The following PPP6R2 variants were observed in gnomAD, a reference collection of about 807,000 sequenced individuals.
The protein encoded by PPP6R2 is serine/threonine-protein phosphatase 6 regulatory subunit 2.
PPP6R2 carries 62 observed loss-of-function variants against 100.2 expected under a neutral mutation model. The ratio of observed to expected loss-of-function variants is 0.62; its 90% confidence interval spans 0.50 to 0.76. PPP6R2 has a LOEUF of 0.76. Ranked by LOEUF, PPP6R2 falls within the 30% of genes least tolerant of loss-of-function variation. The pLI is 0.00. For synonymous variants in PPP6R2, 525 were observed against 514.7 expected, an observed-to-expected ratio of 1.02 and a Z score of -0.27; for missense variants, 1,142 against 1,276.3, an observed-to-expected ratio of 0.89 and a Z score of 1.60.
At chr22:50,334,639 A>G in the PPP6R2 span, among the ~76,000 whole-genome samples, 1 of 152,234 alleles carries the variant, frequency 6.6e-6, no homozygotes, top group African/African-American at 2.4e-5. Context: ...TACAGATTTC[A>G]GTATTAGCTT....
At chr22:50,424,270 C>T (rs1436092991) in intron 10 of PPP6R2, among the ~76,000 whole-genome samples, 2 of 152,104 alleles carry the variant, frequency 1.3e-5, no homozygotes, top group Admixed American at 1.3e-4. Context: ...GCTGGAATCT[C>T]CCTGCAATCT....
chr22:50,350,156 A>G (rs1057504377), intron 1 of PPP6R2, among the ~76,000 whole-genome samples: 1 of 152,144 alleles, frequency 6.6e-6, no homozygotes, highest in South Asian at 2.1e-4. Context: ...TTGCTCATTC[A>G]TTAAAAGCAG....
chr22:50,399,321 G>A (rs1410253396), intron 3 of PPP6R2, among the ~76,000 whole-genome samples: 1 of 152,244 alleles, frequency 6.6e-6, no homozygotes, highest in African/African-American at 2.4e-5. Context: ...GGTCTCTGTT[G>A]CAACGGCTCA....
At chr22:50,348,004 C>T (rs949511647) in intron 1 of PPP6R2, among the ~76,000 whole-genome samples, 1 of 152,150 alleles carries the variant, frequency 6.6e-6, no homozygotes, top group Non-Finnish European at 1.5e-5. Context: ...AGGCAGCTAG[C>T]TTTGAGACAA....
At chr22:50,366,310 T>C (rs1459427141) in intron 1 of PPP6R2, among the ~76,000 whole-genome samples, 3 of 150,110 alleles carry the variant, frequency 2.0e-5, no homozygotes, top group African/African-American at 7.4e-5. Flanking sequence ...TTCCCTCTCA[T>C]CTTTTTTTTT....
At chr22:50,424,606 AGACCTACT>A in intron 10 of PPP6R2, among the ~76,000 whole-genome samples, 1 of 147,868 alleles carries the variant, frequency 6.8e-6, no homozygotes, top group East Asian at 2.1e-4. Context: ...ATTACAAAAG[AGACCTACT>A]TTCCTTTTCC....
chr22:50,429,243 C>T (rs987141684), intron 10 of PPP6R2, among the ~76,000 whole-genome samples: 5 of 152,184 alleles, frequency 3.3e-5, no homozygotes, highest in Non-Finnish European at 7.3e-5. Context: ...GTTGGCCAGG[C>T]TGGTCTTGAA....
Position 50,439,843 on chromosome 22 carries a change from C to A in PPP6R2, c.2271C>A (p.Phe757Leu). Residue 757 changes from phenylalanine (F) to leucine (L), a missense_variant, in exon 20 of 24, where the codon TTC becomes TTA. By Grantham distance (22) the Phe-to-Leu change is conservative. Coordinates refer to ENST00000612753, the MANE Select transcript of PPP6R2 (RefSeq NM_001242898.2). ...AAGGCTGGGCCAAGTTCACTGACTT[C>A]CAACCTTTCTGCTGGTAACAAATGC... ...EEKGWAKFTDFQPFCCSESGP... is the reference protein window; with the variant it reads ...EEKGWAKFTDLQPFCCSESGP... 1 of 1,613,168 alleles carries A rather than the reference C, an allele frequency of 6.2e-7. No homozygotes were observed. Among genetic ancestry groups the A allele is most frequent in the South Asian group, 1.1e-5 (1 of 91,002 alleles).
chr22:50,394,969 C>A (rs531187331), intron 3 of PPP6R2, among the ~76,000 whole-genome samples: 5 of 147,078 alleles, frequency 3.4e-5, no homozygotes, highest in Admixed American at 6.8e-5. Flanking sequence ...TTTTTTCATT[C>A]TAAGTAAAGT....
chr22:50,438,392 C>G, intron 18 of PPP6R2, 94 bp downstream of exon 18: 1 of 1,537,820 alleles, frequency 6.5e-7, no homozygotes, highest in East Asian at 2.3e-5. Context: ...AGCTGGCTTG[C>G]AGAGCAGCCA....
chr22:50,419,741 C>T (rs894014177), intron 8 of PPP6R2, among the ~76,000 whole-genome samples: 2 of 152,210 alleles, frequency 1.3e-5, no homozygotes, highest in Non-Finnish European at 2.9e-5. Flanking sequence ...GTGTGGTTGG[C>T]AGGTTTTCCC....
chr22:50,366,162 A>C (rs2048716335), intron 1 of PPP6R2, among the ~76,000 whole-genome samples: 1 of 152,184 alleles, frequency 6.6e-6, no homozygotes, highest in Admixed American at 6.6e-5. Flanking sequence ...GTGGAACCCT[A>C]GTAATTTTTA....
rs146381026 is a variant in PPP6R2, at chr22:50,369,739, T to C, written c.-147-2281T>C. Among the ~76,000 whole-genome samples, 522 of 152,064 alleles carry C rather than the reference T, an allele frequency of 3.4e-3. 11 individuals are homozygous for C. In the East Asian group the frequency reaches 0.062, roughly 18 times the overall value. The stretch of plus-strand genomic sequence containing the variant: ...CCAGGCTGGTCTTGAACTCCTGACC[T>C]CAAGTGATCACCCACCTCGGCCTCC... On this transcript the variant is annotated intron_variant, in intron 1 of 23. Transcript: ENST00000612753.
intron 1 of PPP6R2, among the ~76,000 whole-genome samples, chr22:50,364,784 G>A (rs1258139415): frequency 3.9e-5 from 6 of 152,116 alleles, no homozygotes; most frequent in South Asian, 2.1e-4. Flanking sequence ...GTTTTGGTAC[G>A]GTTATGGAAT....
At chr22:50,381,389 C>G (rs2052968020) in intron 2 of PPP6R2, among the ~76,000 whole-genome samples, 1 of 86,910 alleles carries the variant, frequency 1.2e-5, no homozygotes, top group African/African-American at 5.6e-5. Context: ...ACCTCAGCAT[C>G]ACACGGGCCC....
At chr22:50,438,946 G>A (rs556675509) in intron 19 of PPP6R2, among the ~76,000 whole-genome samples, 184 bp downstream of exon 19, 5 of 152,312 alleles carry the variant, frequency 3.3e-5, no homozygotes, top group South Asian at 2.1e-4. Context: ...TGTGCCCAGC[G>A]CAAGGTGGCC....
the PPP6R2 span, among the ~76,000 whole-genome samples, chr22:50,334,042 T>C: frequency 7.9e-5 from 12 of 152,256 alleles, no homozygotes; most frequent in Admixed American, 1.3e-4. Context: ...CTTTAATACT[T>C]TCACTAACTT....
intron 1 of PPP6R2, 139 bp from the exon 2 acceptor site, chr22:50,371,881 G>T (rs2050303989): frequency 6.6e-6 from 1 of 152,132 alleles, no homozygotes; most frequent in Non-Finnish European, 1.5e-5. Context: ...CAAGTGATCT[G>T]CCGCCTTGGC....
chr22:50,441,631 C>T (rs963866652), intron 22 of PPP6R2, among the ~76,000 whole-genome samples: 2 of 152,060 alleles, frequency 1.3e-5, no homozygotes, highest in Admixed American at 1.3e-4. Flanking sequence ...TTGGAGGCAG[C>T]TTGCAGGCTG....
Sources: allele counts gnomAD v4.1 joint callset (sites outside exome capture counted in the v4.1 genomes callset), GRCh38; gene constraint gnomAD v4.1.1; transcripts MANE v1.5; gene names NCBI Gene and HGNC (gene_info 2026-07-23, HGNC 2026-07-21).